The following GNA11 variants were observed in gnomAD, a reference collection of about 807,000 sequenced individuals.
The protein encoded by GNA11 is G protein subunit alpha 11, also known as guanine nucleotide-binding protein subunit alpha-11.
In GNA11, 8 loss-of-function variants were observed where a neutral mutation model predicts 38.2. The observed-to-expected ratio is 0.21, with a 90% CI of 0.12 to 0.38. The LOEUF is 0.38. Among genes scored for constraint, GNA11 ranks in the 10% least tolerant of loss-of-function variants. The probability of loss-of-function intolerance (pLI) is 1.00; values close to 1 mark genes in which losing one functional copy is unlikely to be tolerated. For missense variants in GNA11, 268 were observed against 516.3 expected (o/e 0.52, Z 4.66); for synonymous variants, 211 against 221.4 (o/e 0.95, Z 0.42).
intron 1 of GNA11, among the ~76,000 whole-genome samples, chr19:3,095,321 A>AC (rs1913337112): frequency 6.6e-6 from 1 of 152,110 alleles, no homozygotes; most frequent in Non-Finnish European, 1.5e-5. Flanking sequence ...TCAAGGGACC[A>AC]GTCCCTCCCT....
Position 3,120,218 on chromosome 19 carries a change from G to A in GNA11, c.890-771G>A, listed in dbSNP as rs1225043688. Among the ~76,000 whole-genome samples the A allele has an allele frequency of 6.6e-6, 1 of 152,004 alleles. No homozygotes were observed. Among genetic ancestry groups the A allele is most frequent in the East Asian group, 1.9e-4 (1 of 5,158 alleles). On this transcript the variant is annotated intron_variant, in intron 6 of 6. Transcript: ENST00000078429. The surrounding 1 kb of genome is among the most constrained non-coding windows in gnomAD (Gnocchi z 5.9). ...GGGGTCTGGCACACGGTATAGCCTC[G>A]GCCGCTGGCTGCAGGCGCAGGGCCC...
chr19:3,123,075 G>A lies in GNA11; in HGVS notation c.*1896G>A, dbSNP rs1914126414. ...AGTGCTGGGGCCCGGCGGTGCCCTG[G>A]GGGAGCAGATGGGGCCACCCCTGGC... On this transcript the variant is annotated 3_prime_UTR_variant, in exon 7 of 7. Coordinates refer to ENST00000078429, the MANE Select transcript of GNA11 (RefSeq NM_002067.5). The A allele has an allele frequency of 4.3e-6, 1 of 233,252 alleles. No homozygotes were observed. Among genetic ancestry groups the A allele is most frequent in the South Asian group, 1.8e-4 (1 of 5,530 alleles). 14.4% of individuals were successfully genotyped at this position (233,252 alleles called of 1,614,324 possible).
chr19:3,115,265 C>T lies in GNA11; in HGVS notation c.605+193C>T, dbSNP rs1347635540. 18 of 556,154 alleles carry T rather than the reference C, an allele frequency of 3.2e-5. No homozygotes were observed. The East Asian group carries it at 4.1e-4, about 13-fold the overall frequency. 34.5% of individuals were successfully genotyped at this position (556,154 alleles called of 1,614,324 possible). A position where few individuals can be genotyped will look rare whatever the true frequency, so the allele number is the denominator to read the frequency against. On this transcript the variant is annotated intron_variant, in intron 4 of 6. Coordinates refer to ENST00000078429, the MANE Select transcript of GNA11 (RefSeq NM_002067.5). ...AAAAAAATTTTAAAAATTAGCTGGG[C>T]GTGGTTGTGTGCACCTGTGGTCCCA...
intron 1 of GNA11, among the ~76,000 whole-genome samples, chr19:3,103,519 C>CGTTTTTTTTTTTTTTTTTT (rs1370578226): frequency 4.4e-5 from 2 of 45,800 alleles, no homozygotes; most frequent in African/African-American, 8.0e-5. Flanking sequence ...GGCCTTGAAT[C>CGTTTTTTTTTTTTTTTTTT]TTTTTTTTTT....
intron 1 of GNA11, among the ~76,000 whole-genome samples, chr19:3,102,053 A>G (rs1913518997): frequency 6.6e-6 from 1 of 151,958 alleles, no homozygotes; most frequent in African/African-American, 2.4e-5. Flanking sequence ...CCGAGATTGC[A>G]CCACTGCACT....
rs989688109 is a variant in GNA11, at chr19:3,094,847, C to T, written c.136+60C>T. 6 of 1,313,284 alleles carry T rather than the reference C, an allele frequency of 4.6e-6. No individual in the cohort carries two copies. The highest frequency in any genetic ancestry group is 1.5e-5 in the African/African-American group (1 of 64,590). The allele number at this position is 1,313,284 out of a possible 1,614,324, so 81.4% of individuals were successfully genotyped here. A position where few individuals can be genotyped will look rare whatever the true frequency, so the allele number is the denominator to read the frequency against. ...CCTGCCCTGCCTGTGCCTGCCCTGC[C>T]TGTCCGGGTCGGGCCGGGACCCTCC... On this transcript the variant is annotated intron_variant, in intron 1 of 6. Coordinates refer to ENST00000078429, the MANE Select transcript of GNA11 (RefSeq NM_002067.5). This position sits in a 1 kb window ranked among gnomAD's most constrained non-coding sequence, Gnocchi z 6.0.
Position 3,122,370 on chromosome 19 carries a change from C to G in GNA11, c.*1191C>G. 1 of 231,926 alleles carries G rather than the reference C, an allele frequency of 4.3e-6. No individual in the cohort carries two copies. The highest frequency in any genetic ancestry group is 2.2e-5 in the African/African-American group (1 of 45,356). The allele number at this position is 231,926 out of a possible 1,614,324, so 14.4% of individuals were successfully genotyped here. On this transcript the variant is annotated 3_prime_UTR_variant, in exon 7 of 7. Transcript: ENST00000078429. The surrounding 1 kb of genome is among the most constrained non-coding windows in gnomAD (Gnocchi z 7.7). ...AGCACTCGCACTTTGGCCAGGGGCG[C>G]GTGGAAGGTGGTGGCAGGCACCGGC...
At chr19:3,116,023 G>A (rs1219873623) in intron 4 of GNA11, among the ~76,000 whole-genome samples, 1 of 151,792 alleles carries the variant, frequency 6.6e-6, no homozygotes, top group Non-Finnish European at 1.5e-5. Flanking sequence ...TCCAGGCTGG[G>A]GTGGAGGAGC....
intron 1 of GNA11, among the ~76,000 whole-genome samples, chr19:3,098,081 G>A (rs1201530767): frequency 6.6e-6 from 1 of 152,240 alleles, no homozygotes; most frequent in Non-Finnish European, 1.5e-5. Flanking sequence ...AGTGCTTATA[G>A]AGTATTTTTC....
At chr19:3,096,045 C>G (rs918689619) in intron 1 of GNA11, among the ~76,000 whole-genome samples, 8 of 152,118 alleles carry the variant, frequency 5.3e-5, no homozygotes, top group Non-Finnish European at 4.4e-5. Flanking sequence ...TGGGGAAGGT[C>G]GGAAATGCGT....
At chr19:3,113,693 G>A (rs1913837710) in intron 3 of GNA11, among the ~76,000 whole-genome samples, 1 of 152,216 alleles carries the variant, frequency 6.6e-6, no homozygotes, top group Admixed American at 6.5e-5. Flanking sequence ...GTGGACTCTG[G>A]TGTGACACTG....
rs375701661 is a variant in GNA11, at chr19:3,119,363, C to T, written c.889+4C>T. On this transcript the variant is annotated splice_donor_region_variant and intron_variant, in intron 6 of 6. Coordinates refer to ENST00000078429, the MANE Select transcript of GNA11 (RefSeq NM_002067.5). The surrounding 1 kb of genome is among the most constrained non-coding windows in gnomAD (Gnocchi z 4.6). Reference sequence around the variant, plus strand: ...GACTACTTCCCCGAGTTCGATGGTGCGCCGGGCTGCGGCATGGGGAGGGGC... The same window carrying T: ...GACTACTTCCCCGAGTTCGATGGTGTGCCGGGCTGCGGCATGGGGAGGGGC... 57 of 1,612,334 alleles carry T rather than the reference C, an allele frequency of 3.5e-5. No homozygotes were observed. The highest frequency in any genetic ancestry group is 8.9e-5 in the East Asian group (4 of 44,864).
In GNA11 at chr19:3,114,024, G is replaced by A. The variant is rs543149697; in HGVS notation, c.476+540G>A. ...GGCCGCAGGTGGAGGCCCCCGCGTG[G>A]CAGGCTGTGCACTGCTGCCCTCCAT... is the stretch of plus-strand genomic sequence containing the variant. On this transcript the variant is annotated intron_variant, in intron 3 of 6. Transcript: ENST00000078429. 3.3e-5 allele frequency among the ~76,000 whole-genome samples: 5 copies of A among 152,258 alleles called. No homozygotes were observed. The East Asian group carries it at 7.7e-4, about 24-fold the overall frequency.
At chr19:3,115,883 A>C in intron 4 of GNA11, among the ~76,000 whole-genome samples, 1 of 34,576 alleles carries the variant, frequency 2.9e-5, no homozygotes, top group Non-Finnish European at 5.9e-5. Context: ...TGAGGGGAGG[A>C]GGGGTCATAG....
intron 1 of GNA11, among the ~76,000 whole-genome samples, chr19:3,096,922 C>T (rs1913385125): frequency 6.6e-6 from 1 of 152,150 alleles, no homozygotes; most frequent in African/African-American, 2.4e-5. Context: ...AGCCAGGGAC[C>T]CCTTTGGGAA....
At position 3,108,025 on chromosome 19, in the gene GNA11, T is replaced by A. The variant is rs190608339; in HGVS notation, c.137-2124T>A. ...GGATTACTACCTGAGACAATCAAAA[T>A]CAATTTTCTTTCTTCTGAAAAGGAC... On this transcript the variant is annotated intron_variant, in intron 1 of 6. Transcript: ENST00000078429. The surrounding 1 kb of genome is among the most constrained non-coding windows in gnomAD (Gnocchi z 4.5). 1.3e-5 allele frequency among the ~76,000 whole-genome samples: 2 copies of A among 152,172 alleles called. No individual in the cohort carries two copies.
At chr19:3,101,330 A>C (rs1477532534) in intron 1 of GNA11, among the ~76,000 whole-genome samples, 5 of 151,744 alleles carry the variant, frequency 3.3e-5, no homozygotes, top group African/African-American at 1.2e-4. Context: ...CTGTGGGGCC[A>C]GGTCCACACT....
intron 1 of GNA11, among the ~76,000 whole-genome samples, chr19:3,097,252 C>T (rs1270024353): frequency 1.3e-5 from 2 of 152,190 alleles, no homozygotes; most frequent in African/African-American, 2.4e-5. Context: ...GTTCAGAGAC[C>T]TCTGGGTGGA....
At chr19:3,096,566 G>A (rs1033927737) in intron 1 of GNA11, among the ~76,000 whole-genome samples, 5 of 152,208 alleles carry the variant, frequency 3.3e-5, no homozygotes, top group African/African-American at 1.2e-4. Flanking sequence ...GTTCAAGGAC[G>A]AAGGTCAGGG....
Sources: allele counts gnomAD v4.1 joint callset (sites outside exome capture counted in the v4.1 genomes callset), GRCh38; gene constraint gnomAD v4.1.1; non-coding constraint Gnocchi (gnomAD v3.1); transcripts MANE v1.5; gene names NCBI Gene and HGNC (gene_info 2026-07-23, HGNC 2026-07-21).